CUX2: variants seen among roughly 807,000 people sequenced by gnomAD.
The protein encoded by CUX2 is homeobox protein cut-like 2.
In CUX2, 40 loss-of-function variants were observed where a neutral mutation model predicts 144.8. That is an observed-to-expected ratio of 0.28 (90% CI 0.21 to 0.36). CUX2 has a LOEUF of 0.36. Ranked by LOEUF, CUX2 falls within the 10% of genes least tolerant of loss-of-function variation. The pLI is 1.00. For missense variants in CUX2, 1,615 were observed against 1,994.0 expected (o/e 0.81, Z 3.62); for synonymous variants, 827 against 875.6 (o/e 0.94, Z 0.98).
chr12:111,175,711 GTTTTC>G (rs1051593154), intron 1 of CUX2, among the ~76,000 whole-genome samples: 8 of 151,944 alleles, frequency 5.3e-5, no homozygotes, highest in Non-Finnish European at 1.0e-4. Flanking sequence ...AATAAAGCAA[GTTTTC>G]TTTTATCCAT....
intron 4 of CUX2, among the ~76,000 whole-genome samples, chr12:111,264,604 G>T (rs1041146985): frequency 2.0e-5 from 3 of 152,158 alleles, no homozygotes; most frequent in Admixed American, 1.3e-4. Context: ...AATTAGCCAG[G>T]TGTGGTGGTG....
At chr12:111,342,379 G>A (rs144386929) in intron 21 of CUX2, among the ~76,000 whole-genome samples, 102 of 152,202 alleles carry the variant, frequency 6.7e-4, no homozygotes, top group African/African-American at 2.3e-3. Flanking sequence ...TACTTGGGAG[G>A]CCGAAGTGAG....
At chr12:111,062,659 A>G (rs1416139812) in intron 1 of CUX2, among the ~76,000 whole-genome samples, 1 of 152,228 alleles carries the variant, frequency 6.6e-6, no homozygotes, top group African/African-American at 2.4e-5. Context: ...AGAGACCCAC[A>G]TTAATCAAAT....
At chr12:111,332,468 A>T (rs1450709122) in intron 18 of CUX2, among the ~76,000 whole-genome samples, 1 of 152,020 alleles carries the variant, frequency 6.6e-6, no homozygotes, top group Non-Finnish European at 1.5e-5. Context: ...TGCACCATGG[A>T]CATCTTTTCA....
chr12:111,036,969 T>G (rs1869488991), intron 1 of CUX2, among the ~76,000 whole-genome samples: 1 of 149,776 alleles, frequency 6.7e-6, no homozygotes, highest in East Asian at 2.0e-4. Context: ...CCTAAGCACT[T>G]TGGCCTGGGA....
intron 1 of CUX2, among the ~76,000 whole-genome samples, chr12:111,098,530 G>C (rs1217040606): frequency 6.6e-6 from 1 of 152,260 alleles, no homozygotes; most frequent in East Asian, 1.9e-4. Flanking sequence ...TCTCTGGAGG[G>C]AGGCCACTGA....
rs1385155144 is a variant in CUX2, at chr12:111,034,712, G to GGGA, written c.63+486_63+488dup. ...GAGGGAGGGAGGGAGCTGGCGGGCA[G>GGGA]GGAGGAGGAGGAGGAGAGGAGGAGG... is the stretch of plus-strand genomic sequence containing the variant. On this transcript the variant is annotated intron_variant, in intron 1 of 21. Transcript: ENST00000261726. The surrounding 1 kb of genome is among the most constrained non-coding windows in gnomAD (Gnocchi z 4.2). Among the ~76,000 whole-genome samples, 4 of 151,464 alleles carry GGGA rather than the reference G, an allele frequency of 2.6e-5. No individual in the cohort carries two copies. Among genetic ancestry groups the GGGA allele is most frequent in the African/African-American group, 4.8e-5 (2 of 41,374 alleles).
intron 18 of CUX2, among the ~76,000 whole-genome samples, chr12:111,328,982 T>TCTCTCTCTCTCTCCCCCC (rs1887963639): frequency 2.2e-4 from 17 of 78,236 alleles, no homozygotes; most frequent in African/African-American, 1.2e-3. Flanking sequence ...TCTCCCCCTC[T>TCTCTCTCTCTCTCCCCCC]CTCCCTCTCT....
intron 1 of CUX2, among the ~76,000 whole-genome samples, chr12:111,108,134 G>A (rs2136078476): frequency 6.6e-6 from 1 of 152,174 alleles, no homozygotes; most frequent in South Asian, 2.1e-4. Flanking sequence ...CATTTATCTT[G>A]AAGAATGTCC....
At chr12:111,244,800 T>A (rs1308742390) in intron 3 of CUX2, among the ~76,000 whole-genome samples, 1 of 152,090 alleles carries the variant, frequency 6.6e-6, no homozygotes, top group East Asian at 1.9e-4. Context: ...TCCCCCAGGG[T>A]GTCAGGAAAC....
chr12:111,038,580 G>A (rs1296535836), intron 1 of CUX2, among the ~76,000 whole-genome samples: 3 of 152,228 alleles, frequency 2.0e-5, no homozygotes, highest in African/African-American at 7.2e-5. Flanking sequence ...CCCACACCCT[G>A]TGGCCCTTTT....
At chr12:111,134,608 C>CTGTGTGTGTGTG (rs1385633104) in intron 1 of CUX2, among the ~76,000 whole-genome samples, 27 of 138,006 alleles carry the variant, frequency 2.0e-4, no homozygotes, top group African/African-American at 7.8e-4. Context: ...CTCTCTCTCT[C>CTGTGTGTGTGTG]TCTCTCTCTC....
intron 1 of CUX2, among the ~76,000 whole-genome samples, chr12:111,093,661 A>C (rs1872661108): frequency 1.3e-5 from 2 of 151,850 alleles, no homozygotes; most frequent in South Asian, 4.2e-4. Context: ...TGAACACCTG[A>C]GCTTTTAGGG....
At position 111,160,884 on chromosome 12, in the gene CUX2, C is replaced by G. The variant is rs184370843; in HGVS notation, c.64-53316C>G. Among the ~76,000 whole-genome samples, 8 of 152,218 alleles carry G rather than the reference C, an allele frequency of 5.3e-5. No individual in the cohort carries two copies. The East Asian group carries it at 1.5e-3, about 29-fold the overall frequency. On this transcript the variant is annotated intron_variant, in intron 1 of 21. Transcript: ENST00000261726. The surrounding 1 kb of genome is among the most constrained non-coding windows in gnomAD (Gnocchi z 4.1). ...CTGAACAGCTGGGTGGACTCCGTGC[C>G]GCTTCCTGCCATGGGGAAGATGCAG...
intron 3 of CUX2, among the ~76,000 whole-genome samples, chr12:111,244,097 T>G (rs1467304160): frequency 6.6e-6 from 1 of 152,118 alleles, no homozygotes; most frequent in East Asian, 1.9e-4. Flanking sequence ...TTTGGGTTTT[T>G]TTTTGTTTTT....
chr12:111,143,836 TCA>T (rs1876491534), intron 1 of CUX2, among the ~76,000 whole-genome samples: 1 of 152,200 alleles, frequency 6.6e-6, no homozygotes, highest in East Asian at 1.9e-4. Flanking sequence ...CTCTGGGGAC[TCA>T]GTTTCCCTCT....
intron 1 of CUX2, among the ~76,000 whole-genome samples, chr12:111,146,762 A>G (rs1876701498): frequency 6.6e-6 from 1 of 152,118 alleles, no homozygotes; most frequent in South Asian, 2.1e-4. Context: ...CAGCTTCCCC[A>G]CTAATAATTC....
intron 4 of CUX2, among the ~76,000 whole-genome samples, chr12:111,278,433 CA>C (rs1884979581): frequency 6.6e-6 from 1 of 152,050 alleles, no homozygotes; most frequent in Non-Finnish European, 1.5e-5. Context: ...AAAAGAACAA[CA>C]AAAAACACTC....
At chr12:111,146,785 A>G (rs1295876768) in intron 1 of CUX2, among the ~76,000 whole-genome samples, 1 of 152,098 alleles carries the variant, frequency 6.6e-6, no homozygotes, top group African/African-American at 2.4e-5. Flanking sequence ...TGTGACCTTG[A>G]TAGAGTTGCT....
Sources: gnomAD v4.1 joint callset for allele counts (sites outside exome capture counted in the v4.1 genomes callset) on GRCh38, gnomAD v4.1.1 for gene constraint, Gnocchi (gnomAD v3.1) non-coding constraint, MANE v1.5 for transcripts, NCBI Gene and HGNC (gene_info 2026-07-23, HGNC 2026-07-21) for gene names.